CMIP: variants seen among roughly 807,000 people sequenced by gnomAD.
The protein encoded by CMIP is C-Maf-inducing protein.
In CMIP, 13 loss-of-function variants were observed where a neutral mutation model predicts 97.3. The observed-to-expected ratio is 0.13, with a 90% CI of 0.09 to 0.21. The LOEUF (loss-of-function observed/expected upper bound fraction) is 0.21, where lower values mean the gene tolerates loss of function less well. CMIP is among the 10% of genes least tolerant of loss of function. The pLI, the probability that CMIP is intolerant of heterozygous loss-of-function variation, is 1.00. For missense variants in CMIP, 847 were observed against 1,024.9 expected (o/e 0.83, Z 2.37); for synonymous variants, 538 against 436.3 (o/e 1.23, Z -2.91).
intron 1 of CMIP, among the ~76,000 whole-genome samples, chr16:81,478,113 TC>T (rs558003345): frequency 1.3e-5 from 2 of 151,888 alleles, no homozygotes; most frequent in African/African-American, 4.8e-5. Context: ...CCACTGCCCT[TC>T]CCCCCCACCC....
At chr16:81,463,269 G>A (rs1049705425) in intron 1 of CMIP, among the ~76,000 whole-genome samples, 2 of 152,236 alleles carry the variant, frequency 1.3e-5, no homozygotes, top group African/African-American at 2.4e-5. Context: ...GGCTGGCCCC[G>A]ATCTTTAGCC....
In CMIP at chr16:81,616,954, G is replaced by A. The variant is rs1035306472; in HGVS notation, c.427-3922G>A. The A allele has an allele frequency of 6.5e-6, 1 of 152,926 alleles. No individual in the cohort carries two copies. The highest frequency in any genetic ancestry group is 1.5e-5 in the Non-Finnish European group (1 of 68,604). The allele number at this position is 152,926 out of a possible 1,614,324, so 9.5% of individuals were successfully genotyped here. On this transcript the variant is annotated intron_variant, in intron 2 of 20. Coordinates refer to ENST00000537098, the MANE Select transcript of CMIP (RefSeq NM_198390.3). The surrounding 1 kb of genome is among the most constrained non-coding windows in gnomAD (Gnocchi z 4.7). ...GGCCAGGCCAGGCAGCTGGGGCCCA[G>A]GAGGAGAGATCTGTCAGCCATCCCT...
intron 1 of CMIP, among the ~76,000 whole-genome samples, chr16:81,577,334 C>G (rs550526587): frequency 1.0e-3 from 156 of 150,694 alleles, no homozygotes; most frequent in Middle Eastern, 3.6e-3. Context: ...TTATCACTAT[C>G]ACCATCACCA....
chr16:81,577,838 G>A (rs111171284), intron 1 of CMIP, among the ~76,000 whole-genome samples: 63 of 55,796 alleles, frequency 1.1e-3, no homozygotes, highest in African/African-American at 2.1e-3. Context: ...TATTATCACT[G>A]TCACCATCAC....
Position 81,682,989 on chromosome 16 carries a change from T to C in CMIP, c.1388+4361T>C, listed in dbSNP as rs572737585. On this transcript the variant is annotated intron_variant, in intron 10 of 20. Transcript: ENST00000537098. ...GAAGAGCTTTGGGATTTGTAGTCATTTGGAGTCCAGCTCTTTTCCTGCTGG... is the reference window on the plus strand; with the variant it reads ...GAAGAGCTTTGGGATTTGTAGTCATCTGGAGTCCAGCTCTTTTCCTGCTGG... 3.9e-5 allele frequency among the ~76,000 whole-genome samples: 6 copies of C among 152,364 alleles called. No homozygotes were observed. The East Asian group carries it at 1.2e-3, about 29-fold the overall frequency.
At chr16:81,477,921 T>C (rs897012299) in intron 1 of CMIP, among the ~76,000 whole-genome samples, 1 of 152,246 alleles carries the variant, frequency 6.6e-6, no homozygotes, top group Non-Finnish European at 1.5e-5. Flanking sequence ...ACTTCTGCCC[T>C]GTTAAGGTGA....
chr16:81,564,748 G>A (rs1053439097), intron 1 of CMIP, among the ~76,000 whole-genome samples: 2 of 152,228 alleles, frequency 1.3e-5, no homozygotes, highest in African/African-American at 2.4e-5. Context: ...GGGACTAGGG[G>A]AAGAGTCAGC....
chr16:81,605,047 A>G (rs889246892), intron 1 of CMIP, among the ~76,000 whole-genome samples: 2 of 152,228 alleles, frequency 1.3e-5, no homozygotes, highest in African/African-American at 4.8e-5. Context: ...GACCAACACA[A>G]TAAATATTTG....
chr16:81,495,569 A>G (rs2925994), intron 1 of CMIP: 449,253 of 1,514,428 alleles, frequency 0.3, 67,653 homozygotes, highest in East Asian at 0.37. Context: ...GCTGCTGGCC[A>G]CAGGCCAGTG....
intron 1 of CMIP, among the ~76,000 whole-genome samples, chr16:81,499,234 A>AT (rs2089550244): frequency 6.6e-6 from 1 of 152,120 alleles, no homozygotes; most frequent in Non-Finnish European, 1.5e-5. Flanking sequence ...CCCTCACCGT[A>AT]TACACATATG....
intron 3 of CMIP, among the ~76,000 whole-genome samples, chr16:81,644,746 C>T (rs2092344392): frequency 6.6e-6 from 1 of 152,182 alleles, no homozygotes; most frequent in Non-Finnish European, 1.5e-5. Context: ...AGCCATTGTC[C>T]CCGGGTGTGC....
At chr16:81,515,996 C>G (rs765940314) in intron 1 of CMIP, among the ~76,000 whole-genome samples, 4 of 152,238 alleles carry the variant, frequency 2.6e-5, no homozygotes, top group African/African-American at 7.2e-5. Flanking sequence ...CCCTGGGCCT[C>G]AGTCCTGCCA....
intron 1 of CMIP, among the ~76,000 whole-genome samples, chr16:81,463,413 C>A (rs1353033503): frequency 6.6e-6 from 1 of 151,908 alleles, no homozygotes; most frequent in African/African-American, 2.4e-5. Flanking sequence ...GTTCTAAAGC[C>A]AAAAAAAGGA....
chr16:81,458,379 C>T (rs547427830), intron 1 of CMIP, among the ~76,000 whole-genome samples: 3 of 152,268 alleles, frequency 2.0e-5, no homozygotes, highest in African/African-American at 7.2e-5. Context: ...CAAAGACGAA[C>T]AGTCTGGGGT....
intron 9 of CMIP, among the ~76,000 whole-genome samples, chr16:81,674,863 G>A (rs1412134859): frequency 2.0e-5 from 3 of 152,106 alleles, no homozygotes; most frequent in Non-Finnish European, 4.4e-5. Flanking sequence ...TGGGATTACA[G>A]GCGTGAGCCA....
chr16:81,459,398 C>A (rs572954044), intron 1 of CMIP, among the ~76,000 whole-genome samples: 2 of 152,218 alleles, frequency 1.3e-5, no homozygotes, highest in South Asian at 4.1e-4. Flanking sequence ...TGCTCCGTGA[C>A]CTCGCTCCGT....
chr16:81,537,982 G>T (rs112499099), intron 1 of CMIP, among the ~76,000 whole-genome samples: 3 of 152,222 alleles, frequency 2.0e-5, no homozygotes, highest in Non-Finnish European at 2.9e-5. Flanking sequence ...CCGGCATTCC[G>T]GACAGAACAA....
chr16:81,643,195 A>G (rs889366491), intron 3 of CMIP, among the ~76,000 whole-genome samples: 2 of 152,178 alleles, frequency 1.3e-5, no homozygotes, highest in Non-Finnish European at 2.9e-5. Flanking sequence ...TGTGGGTGAG[A>G]ACCTTGCTGC....
At chr16:81,582,841 G>T (rs988480368) in intron 1 of CMIP, among the ~76,000 whole-genome samples, 1 of 152,140 alleles carries the variant, frequency 6.6e-6, no homozygotes, top group Non-Finnish European at 1.5e-5. Flanking sequence ...GTCGGCGGGG[G>T]TAAAACGAAA....
Sources: gnomAD v4.1 joint callset for allele counts (sites outside exome capture counted in the v4.1 genomes callset) on GRCh38, gnomAD v4.1.1 for gene constraint, Gnocchi (gnomAD v3.1) non-coding constraint, MANE v1.5 for transcripts, NCBI Gene and HGNC (gene_info 2026-07-23, HGNC 2026-07-21) for gene names.